KMT2A: variants seen among roughly 807,000 people sequenced by gnomAD.
KMT2A encodes histone-lysine N-methyltransferase 2A.
Under a neutral mutation model 345.3 loss-of-function variants are expected in KMT2A, and 16 were observed. The observed-to-expected ratio is 0.05, with a 90% CI of 0.03 to 0.07. KMT2A has a LOEUF of 0.07. Among genes scored for constraint, KMT2A ranks in the 10% least tolerant of loss-of-function variants. The probability of loss-of-function intolerance (pLI) is 1.00; values close to 1 mark genes in which losing one functional copy is unlikely to be tolerated. For synonymous variants in KMT2A, 1,599 were observed against 1,778.6 expected, an observed-to-expected ratio of 0.90 and a Z score of 2.54; for missense variants, 3,272 against 4,841.6, an observed-to-expected ratio of 0.68 and a Z score of 9.62.
Position 118,521,637 on chromosome 11 carries a change from T to C in KMT2A, c.11643+220T>C, listed in dbSNP as rs570790752. ...TTAGAAGGTTTGTCTGAGTGGCTCC[T>C]AGTATCAGAAGCAAATAGCTATACA... On this transcript the variant is annotated intron_variant, in intron 35 of 35. Transcript: ENST00000534358. The surrounding 1 kb of genome is among the most constrained non-coding windows in gnomAD (Gnocchi z 5.3). Among the ~76,000 whole-genome samples, 3 of 152,370 alleles carry C rather than the reference T, an allele frequency of 2.0e-5. No individual in the cohort carries two copies. The highest frequency in any genetic ancestry group is 2.1e-4 in the South Asian group (1 of 4,828).
Position 118,491,687 on chromosome 11 carries a change from TC to T in KMT2A, c.4820-56del. On this transcript the variant is annotated intron_variant, in intron 14 of 35. Transcript: ENST00000534358. This position sits in a 1 kb window ranked among gnomAD's most constrained non-coding sequence, Gnocchi z 4.2. ...TAAGTTCAGTGGAATAGTTTCCTCT[TC>T]TTCCTCTCTCTCATTCTTCAGAGGA... 7.4e-7 allele frequency: 1 copy of T among 1,348,514 alleles called. No homozygotes were observed. Among genetic ancestry groups the T allele is most frequent in the Non-Finnish European group, 1.0e-6 (1 of 977,918 alleles). The allele number at this position is 1,348,514 out of a possible 1,614,324, so 83.5% of individuals were successfully genotyped here. A position where few individuals can be genotyped will look rare whatever the true frequency, so the allele number is the denominator to read the frequency against.
chr11:118,462,128 A>G (rs1949755577), intron 1 of KMT2A, among the ~76,000 whole-genome samples: 1 of 151,756 alleles, frequency 6.6e-6, no homozygotes. Flanking sequence ...TAATTTTTGT[A>G]TATTTTGTAG....
Position 118,491,106 on chromosome 11 carries a change from T to G in KMT2A, c.4697-90T>G. The G allele has an allele frequency of 7.5e-7, 1 of 1,325,464 alleles. No individual in the cohort carries two copies. The highest frequency in any genetic ancestry group is 2.4e-5 in the East Asian group (1 of 41,976). 82.1% of individuals were successfully genotyped at this position (1,325,464 alleles called of 1,614,324 possible). On this transcript the variant is annotated intron_variant, in intron 13 of 35. Coordinates refer to ENST00000534358, the MANE Select transcript of KMT2A (RefSeq NM_001197104.2). This position sits in a 1 kb window ranked among gnomAD's most constrained non-coding sequence, Gnocchi z 4.2. ...GTTCATGATCCCAGAAGAATATAGA[T>G]TTAGATTGGGTTGGTAAATGCAAGT... is the stretch of plus-strand genomic sequence containing the variant.
rs947512772 is a variant in KMT2A, at chr11:118,476,779, T to C, written c.3157-26T>C. The C allele has an allele frequency of 2.5e-6, 4 of 1,584,672 alleles. No individual in the cohort carries two copies. The highest frequency in any genetic ancestry group is 1.1e-5 in the South Asian group (1 of 88,730). ...ATAATTTCAACATGTATGGTTGTTATTGTTTTTGGATTGCCTCATATTCAG... is the reference window on the plus strand; with the variant it reads ...ATAATTTCAACATGTATGGTTGTTACTGTTTTTGGATTGCCTCATATTCAG... On this transcript the variant is annotated intron_variant, in intron 3 of 35. Coordinates refer to ENST00000534358, the MANE Select transcript of KMT2A (RefSeq NM_001197104.2). This position sits in a 1 kb window ranked among gnomAD's most constrained non-coding sequence, Gnocchi z 4.1.
chr11:118,456,774 T>G, intron 1 of KMT2A, among the ~76,000 whole-genome samples: 1 of 152,254 alleles, frequency 6.6e-6, no homozygotes, highest in Non-Finnish European at 1.5e-5. Context: ...TTGAGTCAGA[T>G]GTGTTTTCTT....
At chr11:118,478,495 G>C (rs1254228320) in intron 5 of KMT2A, among the ~76,000 whole-genome samples, 3 of 152,178 alleles carry the variant, frequency 2.0e-5, no homozygotes, top group Non-Finnish European at 2.9e-5. Context: ...TGGCTATTGA[G>C]CGCTTGACAT....
Position 118,453,477 on chromosome 11 carries a change from C to T in KMT2A, c.433-15298C>T, listed in dbSNP as rs189831114. On this transcript the variant is annotated intron_variant, in intron 1 of 35. Transcript: ENST00000534358. ...TGTTAATTTTCAGTATTCTGTATGG[C>T]TTCCCTCCTCTGCTTAACTCTCCTG... Among the ~76,000 whole-genome samples the T allele has an allele frequency of 3.9e-3, 590 of 152,006 alleles. 5 individuals carry two copies. Among genetic ancestry groups the T allele is most frequent in the African/African-American group, 0.013 (557 of 41,440 alleles).
At chr11:118,458,378 C>G (rs1264888440) in intron 1 of KMT2A, among the ~76,000 whole-genome samples, 1 of 152,178 alleles carries the variant, frequency 6.6e-6, no homozygotes, top group Non-Finnish European at 1.5e-5. Context: ...TGAGCCACCT[C>G]GTCCTGCCCC....
At chr11:118,501,962 G>A in intron 26 of KMT2A, 105 bp downstream of exon 26, 1 of 1,015,108 alleles carries the variant, frequency 9.9e-7, no homozygotes, top group Non-Finnish European at 1.4e-6. Flanking sequence ...GATTGAAAAT[G>A]TAGATTCCGG....
rs1555048292 is a variant in KMT2A at position 118,506,201 on chromosome 11, A to G, written c.10309A>G (p.Thr3437Ala). The change falls in exon 27 of 36, where the codon ACT becomes GCT. Residue 3437 changes from threonine (T) to alanine (A), a missense_variant. Thr to Ala is a moderately conservative substitution (Grantham distance 58). Around this residue, in one of 27 missense-constraint regions of KMT2A, gnomAD observed 748 missense variants for 922.2 expected, o/e 0.81. Transcript: ENST00000534358. Reference protein sequence around the residue: ...SSICVLPSTQTTGITAASPSG... With the variant: ...SSICVLPSTQATGITAASPSG... The stretch of plus-strand genomic sequence containing the variant: ...CATCTGTGTGCTCCCCTCCACTCAG[A>G]CTACGGGCATAACAGCCGCTTCACC... The G allele has an allele frequency of 1.9e-6, 3 of 1,614,120 alleles. No individual in the cohort carries two copies. The highest frequency in any genetic ancestry group is 3.3e-5 in the Admixed American group (2 of 60,026).
rs1555043406 is a variant in KMT2A at position 118,494,553 on chromosome 11, T to G, written c.5290-141T>G. The G allele has an allele frequency of 2.3e-6, 2 of 855,618 alleles. No homozygotes were observed. The highest frequency in any genetic ancestry group is 3.7e-6 in the Non-Finnish European group (2 of 539,006). 53.0% of individuals were successfully genotyped at this position (855,618 alleles called of 1,614,324 possible). A position where few individuals can be genotyped will look rare whatever the true frequency, so the allele number is the denominator to read the frequency against. On this transcript the variant is annotated intron_variant, in intron 17 of 35. Transcript: ENST00000534358. The surrounding 1 kb of genome is among the most constrained non-coding windows in gnomAD (Gnocchi z 5.8). ...CCCTGATTCTTTGAGAGGAACTTGG[T>G]GAGGTTGCCAGAGTGGATGGATCTT...
rs970886399 is a variant in KMT2A at position 118,497,282 on chromosome 11, C to T, written c.5665-654C>T. On this transcript the variant is annotated intron_variant, in intron 20 of 35. Transcript: ENST00000534358. The surrounding 1 kb of genome is among the most constrained non-coding windows in gnomAD (Gnocchi z 4.8). The stretch of plus-strand genomic sequence containing the variant: ...TATCCCAAAGTGGTGGGATTACAGG[C>T]GTGAGCCACCGTGCCCGGCCAAAAG... Among the ~76,000 whole-genome samples the T allele has an allele frequency of 7.9e-5, 12 of 152,248 alleles. No homozygotes were observed. Among genetic ancestry groups the T allele is most frequent in the African/African-American group, 1.9e-4 (8 of 41,560 alleles).
chr11:118,471,609 C>A (rs1031621464), intron 2 of KMT2A, 53 bp from the exon 3 acceptor site: 3 of 1,319,590 alleles, frequency 2.3e-6, no homozygotes, highest in Non-Finnish European at 3.1e-6. Flanking sequence ...TTAGTTAAAA[C>A]CTAAACTACA....
chr11:118,461,930 A>T (rs544940569), intron 1 of KMT2A, among the ~76,000 whole-genome samples: 1 of 152,160 alleles, frequency 6.6e-6, no homozygotes, highest in African/African-American at 2.4e-5. Context: ...TGAAAGGAGG[A>T]CTTTTTTGCA....
rs749647502 is a variant in KMT2A at position 118,495,228 on chromosome 11, G to A, written c.5363+461G>A. 4.6e-5 allele frequency among the ~76,000 whole-genome samples: 7 copies of A among 150,818 alleles called. No homozygotes were observed. The highest frequency in any genetic ancestry group is 2.0e-4 in the Admixed American group (3 of 15,144). On this transcript the variant is annotated intron_variant, in intron 18 of 35. Transcript: ENST00000534358. This position sits in a 1 kb window ranked among gnomAD's most constrained non-coding sequence, Gnocchi z 4.1. ...GGCTGGAGTGCAGTGACATGATCTC[G>A]GCTCACTACAACCTCCGCCTCCCTG... is the stretch of plus-strand genomic sequence containing the variant.
At chr11:118,492,709 A>T (rs477106) in intron 15 of KMT2A, among the ~76,000 whole-genome samples, 1 of 152,126 alleles carries the variant, frequency 6.6e-6, no homozygotes, top group Non-Finnish European at 1.5e-5. Flanking sequence ...AACCGCATGG[A>T]TCACTTTACC....
intron 1 of KMT2A, among the ~76,000 whole-genome samples, chr11:118,442,374 C>G (rs1949332385): frequency 6.6e-6 from 1 of 152,140 alleles, no homozygotes. Context: ...CATGATGTAC[C>G]TACATTTTAA....
chr11:118,445,434 C>G (rs1464059892), intron 1 of KMT2A, among the ~76,000 whole-genome samples: 1 of 152,152 alleles, frequency 6.6e-6, no homozygotes, highest in African/African-American at 2.4e-5. Flanking sequence ...TGAGGAGGCA[C>G]TTGGTCGTTC....
chr11:118,472,151 G>A lies in KMT2A; in HGVS notation c.992G>A (p.Arg331Gln), dbSNP rs148514018. Residue 331 changes from arginine (R) to glutamine (Q), a missense_variant, in exon 3 of 36, where the codon CGG becomes CAG. Transcript: ENST00000534358. ...NSELEKPQKV[R>Q]KDKEGTPPLT... ...GAACTGGAAAAGCCCCAGAAAGTCC[G>A]GAAAGACAAGGAAGGAACACCTCCA... The A allele has an allele frequency of 5.0e-6, 8 of 1,613,852 alleles. No individual in the cohort carries two copies. Among genetic ancestry groups the A allele is most frequent in the Middle Eastern group, 1.6e-4 (1 of 6,084 alleles).
Sources: gnomAD v4.1 joint callset for allele counts (sites outside exome capture counted in the v4.1 genomes callset) on GRCh38, gnomAD v4.1.1 for gene constraint, gnomAD v4.1.1 regional missense constraint, Gnocchi (gnomAD v3.1) non-coding constraint, MANE v1.5 for transcripts, NCBI Gene and HGNC (gene_info 2026-07-23, HGNC 2026-07-21) for gene names.